Variants in NDFIP1 observed in about 807,000 individuals in gnomAD.
NDFIP1 encodes Nedd4 family interacting protein 1.
NDFIP1 carries 7 observed loss-of-function variants against 28.8 expected under a neutral mutation model. That is an observed-to-expected ratio of 0.24 (90% CI 0.14 to 0.46). The LOEUF is 0.46. Among genes scored for constraint, NDFIP1 ranks in the 20% least tolerant of loss-of-function variants. The pLI, the probability that NDFIP1 is intolerant of heterozygous loss-of-function variation, is 0.99. For synonymous variants in NDFIP1, 92 were observed against 101.0 expected, an observed-to-expected ratio of 0.91 and a Z score of 0.53; for missense variants, 194 against 269.1, an observed-to-expected ratio of 0.72 and a Z score of 1.95.
intron 1 of NDFIP1, among the ~76,000 whole-genome samples, chr5:142,129,930 A>G (rs1026336874): frequency 5.0e-5 from 4 of 79,804 alleles, no homozygotes; most frequent in African/African-American, 1.3e-4. Context: ...AAAAAAAAAA[A>G]GAAAGAAAGA....
chr5:142,109,089 C>T, intron 1 of NDFIP1, 52 bp downstream of exon 1: 3 of 1,297,232 alleles, frequency 2.3e-6, no homozygotes, highest in Admixed American at 4.0e-5. Flanking sequence ...CTCTGCCCTG[C>T]CCGCTGGCCG....
rs955158854 is a variant in NDFIP1 at position 142,126,790 on chromosome 5, G to A, written c.64-5018G>A. ...TTTAGAACTGCTTAGTGAGGAGGGC[G>A]GTGGTGAAGCTTTCTTGCTGATTGG... On this transcript the variant is annotated intron_variant, in intron 1 of 7. Transcript: ENST00000253814. Among the ~76,000 whole-genome samples, 5 of 152,164 alleles carry A rather than the reference G, an allele frequency of 3.3e-5. No homozygotes were observed. The South Asian group carries it at 1.0e-3, about 32-fold the overall frequency.
At chr5:142,119,599 C>T (rs540385992) in intron 1 of NDFIP1, among the ~76,000 whole-genome samples, 109 of 152,180 alleles carry the variant, frequency 7.2e-4, no homozygotes, top group African/African-American at 2.5e-3. Flanking sequence ...TTCACAAATG[C>T]ATAGTGTCTT....
At chr5:142,138,132 A>G (rs750194367) in intron 5 of NDFIP1, 5 of 241,376 alleles carry the variant, frequency 2.1e-5, no homozygotes, top group Non-Finnish European at 4.0e-5. Flanking sequence ...ATGATAATGT[A>G]TATGTTCTGA....
chr5:142,140,831 G>A (rs1476018958), intron 6 of NDFIP1, among the ~76,000 whole-genome samples: 2 of 152,132 alleles, frequency 1.3e-5, no homozygotes, highest in African/African-American at 4.8e-5. Context: ...AAGTTTCTTT[G>A]TGGTTGTAGG....
chr5:142,146,403 T>C, intron 7 of NDFIP1, among the ~76,000 whole-genome samples: 1 of 152,206 alleles, frequency 6.6e-6, no homozygotes, highest in East Asian at 1.9e-4. Context: ...CTTTGCAGTT[T>C]TATTTAGTTA....
intron 1 of NDFIP1, among the ~76,000 whole-genome samples, chr5:142,110,073 A>G (rs1756997573): frequency 6.7e-6 from 1 of 148,856 alleles, no homozygotes; most frequent in Admixed American, 6.8e-5. Context: ...AAAGCCAGCC[A>G]GTACGATGAA....
intron 5 of NDFIP1, 86 bp downstream of exon 5, chr5:142,137,944 TAA>T: frequency 1.3e-6 from 2 of 1,481,578 alleles, no homozygotes; most frequent in Middle Eastern, 2.1e-4. Context: ...TTTGCTTTTT[TAA>T]AAGTTATTTC....
At chr5:142,127,028 A>G (rs905605946) in intron 1 of NDFIP1, among the ~76,000 whole-genome samples, 3 of 151,808 alleles carry the variant, frequency 2.0e-5, no homozygotes, top group Admixed American at 2.0e-4. Context: ...TTATTTATTT[A>G]TTTTTGAGAC....
At chr5:142,132,399 C>A in intron 3 of NDFIP1, 57 bp downstream of exon 3, 1 of 1,567,608 alleles carries the variant, frequency 6.4e-7, no homozygotes, top group South Asian at 1.2e-5. Flanking sequence ...AAGTTATTTT[C>A]ATTATCCAAT....
At chr5:142,135,915 T>C (rs1757270509) in intron 4 of NDFIP1, 98 bp downstream of exon 4, 6 of 766,730 alleles carry the variant, frequency 7.8e-6, no homozygotes, top group Admixed American at 2.3e-5. Flanking sequence ...TGAGCTAATA[T>C]ATTAATACAT....
At chr5:142,145,314 A>C (rs1272727838) in intron 7 of NDFIP1, among the ~76,000 whole-genome samples, 1 of 152,158 alleles carries the variant, frequency 6.6e-6, no homozygotes, top group African/African-American at 2.4e-5. Context: ...TTTGATTCAC[A>C]CATGATTTTC....
chr5:142,127,634 A>G (rs1271753246), intron 1 of NDFIP1, among the ~76,000 whole-genome samples: 7 of 152,224 alleles, frequency 4.6e-5, no homozygotes, highest in Admixed American at 3.9e-4. Flanking sequence ...AGGTAATTGT[A>G]TAGCTGTATT....
chr5:142,112,990 A>G (rs1757030811), intron 1 of NDFIP1, among the ~76,000 whole-genome samples: 2 of 152,156 alleles, frequency 1.3e-5, no homozygotes, highest in South Asian at 4.1e-4. Flanking sequence ...TCCATAGATG[A>G]ACGCAGATCT....
At chr5:142,145,067 C>G (rs1757373871) in intron 7 of NDFIP1, among the ~76,000 whole-genome samples, 1 of 152,182 alleles carries the variant, frequency 6.6e-6, no homozygotes, top group South Asian at 2.1e-4. Flanking sequence ...CATCTCTGCC[C>G]CTAAATCCCA....
chr5:142,137,628 G>C (rs1329857011), intron 4 of NDFIP1, 106 bp from the exon 5 acceptor site: 7 of 1,318,054 alleles, frequency 5.3e-6, no homozygotes, highest in Non-Finnish European at 7.4e-6. Flanking sequence ...AGGACAGGCT[G>C]TCTTTTATCC....
chr5:142,141,866 C>CA (rs536579195), intron 6 of NDFIP1, among the ~76,000 whole-genome samples: 35 of 152,164 alleles, frequency 2.3e-4, no homozygotes, highest in African/African-American at 7.9e-4. Flanking sequence ...CATGGTGGCT[C>CA]ACGCCTGTAA....
chr5:142,142,917 C>A (rs1280508912), intron 6 of NDFIP1: 3 of 43,200 alleles, frequency 6.9e-5, no homozygotes, highest in Non-Finnish European at 1.3e-4. Context: ...GATTCCATCT[C>A]AAAAAAAAAA....
At chr5:142,111,225 C>T (rs371078876) in intron 1 of NDFIP1, among the ~76,000 whole-genome samples, 13 of 150,702 alleles carry the variant, frequency 8.6e-5, no homozygotes, top group African/African-American at 2.7e-4. Flanking sequence ...GTATCATGCA[C>T]ATGTATCTAC....
Sources: gnomAD v4.1 joint callset for allele counts (sites outside exome capture counted in the v4.1 genomes callset) on GRCh38, gnomAD v4.1.1 for gene constraint, MANE v1.5 for transcripts, NCBI Gene and HGNC (gene_info 2026-07-23, HGNC 2026-07-21) for gene names.